Variants in PITPNC1 observed in about 807,000 individuals in gnomAD.
PITPNC1 encodes phosphatidylinositol transfer protein cytoplasmic 1.
In PITPNC1, 18 loss-of-function variants were observed where a neutral mutation model predicts 44.7. The ratio of observed to expected loss-of-function variants is 0.40; its 90% CI spans 0.28 to 0.60. PITPNC1 has a LOEUF of 0.60. PITPNC1 is among the 20% of genes least tolerant of loss of function. The pLI is 0.39. For missense variants in PITPNC1, 290 were observed against 418.4 expected, an observed-to-expected ratio of 0.69 and a Z score of 2.68; for synonymous variants, 141 against 149.6, an observed-to-expected ratio of 0.94 and a Z score of 0.42.
chr17:67,386,770 T>C (rs2038060397), intron 1 of PITPNC1, among the ~76,000 whole-genome samples: 1 of 152,144 alleles, frequency 6.6e-6, no homozygotes, highest in African/African-American at 2.4e-5. Flanking sequence ...AGGTCTGTAG[T>C]GTTAGGCAAG....
At chr17:67,426,667 A>G (rs555169721) in intron 1 of PITPNC1, among the ~76,000 whole-genome samples, 1 of 152,296 alleles carries the variant, frequency 6.6e-6, no homozygotes, top group East Asian at 1.9e-4. Flanking sequence ...GCAAACCACC[A>G]TGGCACACAT....
At chr17:67,534,170 C>CG (rs1210249196) in intron 2 of PITPNC1, among the ~76,000 whole-genome samples, 1 of 151,980 alleles carries the variant, frequency 6.6e-6, no homozygotes, top group African/African-American at 2.4e-5. Flanking sequence ...GCTGGGATTA[C>CG]GGGCATGAGC....
Position 67,692,960 on chromosome 17 carries a change from T to C in PITPNC1, c.*72T>C. On this transcript the variant is annotated 3_prime_UTR_variant, in exon 9 of 9. Coordinates refer to ENST00000581322, the MANE Select transcript of PITPNC1 (RefSeq NM_012417.4). ...TTGTTTTTTTTTAAGAATCTTCTGA[T>C]AGAGAAAAAGACTGCTTTGTCACTC... 2 of 1,004,432 alleles carry C rather than the reference T, an allele frequency of 2.0e-6. No homozygotes were observed. Among genetic ancestry groups the C allele is most frequent in the Admixed American group, 2.2e-5 (1 of 44,588 alleles). The allele number at this position is 1,004,432 out of a possible 1,614,324, so 62.2% of individuals were successfully genotyped here. A position where few individuals can be genotyped will look rare whatever the true frequency, so the allele number is the denominator to read the frequency against.
chr17:67,425,550 C>A (rs1359097285), intron 1 of PITPNC1, among the ~76,000 whole-genome samples: 2 of 136,032 alleles, frequency 1.5e-5, no homozygotes, highest in Non-Finnish European at 3.1e-5. Flanking sequence ...GAGACAGGGT[C>A]TTGCTCTGTC....
Position 67,676,530 on chromosome 17 carries a change from G to T in PITPNC1, c.682+988G>T, listed in dbSNP as rs1309540876. ...CTTGGCTATAAATAGAAAGGAACAC[G>T]CCCCACCGGTGACTTAGGTTAGATC... On this transcript the variant is annotated intron_variant, in intron 8 of 8. Transcript: ENST00000581322. This position sits in a 1 kb window ranked among gnomAD's most constrained non-coding sequence, Gnocchi z 4.0. Among the ~76,000 whole-genome samples, 1 of 152,062 alleles carries T rather than the reference G, an allele frequency of 6.6e-6. No homozygotes were observed. The highest frequency in any genetic ancestry group is 1.5e-5 in the Non-Finnish European group (1 of 68,024).
chr17:67,567,462 C>T lies in PITPNC1; in HGVS notation c.295-10724C>T, dbSNP rs555003287. Among the ~76,000 whole-genome samples the T allele has an allele frequency of 1.4e-4, 21 of 151,594 alleles. No homozygotes were observed. The South Asian group carries it at 1.7e-3, about 12-fold the overall frequency. ...TTGCGCCACTGCAATCCAGCCTGGG[C>T]GACAGAGTGAGACTCCATCTCCAAA... On this transcript the variant is annotated intron_variant, in intron 4 of 8. Coordinates refer to ENST00000581322, the MANE Select transcript of PITPNC1 (RefSeq NM_012417.4).
At chr17:67,405,538 C>T (rs370318065) in intron 1 of PITPNC1, among the ~76,000 whole-genome samples, 1 of 151,826 alleles carries the variant, frequency 6.6e-6, no homozygotes, top group African/African-American at 2.4e-5. Context: ...TCAATTTACC[C>T]ATAAATCTAT....
chr17:67,656,155 AC>A (rs1307701397), intron 6 of PITPNC1, among the ~76,000 whole-genome samples: 2 of 152,204 alleles, frequency 1.3e-5, no homozygotes, highest in Non-Finnish European at 2.9e-5. Context: ...CCCACCCAGG[AC>A]CAGTTAGGTC....
At chr17:67,419,928 G>A (rs79471996) in intron 1 of PITPNC1, among the ~76,000 whole-genome samples, 4 of 144,986 alleles carry the variant, frequency 2.8e-5, no homozygotes, top group Admixed American at 7.0e-5. Context: ...AAAAAAAAAA[G>A]AGAGAGAGAG....
At chr17:67,472,140 C>T (rs2039546179) in intron 1 of PITPNC1, among the ~76,000 whole-genome samples, 1 of 151,882 alleles carries the variant, frequency 6.6e-6, no homozygotes, top group African/African-American at 2.4e-5. Context: ...TGATTGCTCA[C>T]TGGTGAAGTT....
chr17:67,464,744 C>CTT (rs201595421), intron 1 of PITPNC1, among the ~76,000 whole-genome samples: 60 of 147,002 alleles, frequency 4.1e-4, no homozygotes, highest in Non-Finnish European at 5.6e-4. Context: ...AACTCTCTCA[C>CTT]TTTTTTTTTT....
intron 5 of PITPNC1, among the ~76,000 whole-genome samples, chr17:67,582,860 A>T (rs1248869322): frequency 6.6e-6 from 1 of 152,194 alleles, no homozygotes; most frequent in Admixed American, 6.5e-5. Context: ...CGTGCTTAGC[A>T]CTGCCTGGTT....
intron 2 of PITPNC1, among the ~76,000 whole-genome samples, chr17:67,546,324 G>A (rs938106346): frequency 6.6e-6 from 1 of 151,006 alleles, no homozygotes; most frequent in Middle Eastern, 3.5e-3. Flanking sequence ...TATTTAGAAG[G>A]TGATAAGTGT....
chr17:67,455,613 T>C (rs145073000), intron 1 of PITPNC1, among the ~76,000 whole-genome samples: 2,871 of 151,042 alleles, frequency 0.019, 96 homozygotes, highest in East Asian at 0.15. Flanking sequence ...TTGTTTTTTT[T>C]GTATTTTTAG....
chr17:67,426,403 A>G (rs930271657), intron 1 of PITPNC1, among the ~76,000 whole-genome samples: 4 of 152,252 alleles, frequency 2.6e-5, no homozygotes, highest in Non-Finnish European at 4.4e-5. Context: ...TGTGGTACAT[A>G]TACACCATGG....
Position 67,378,199 on chromosome 17 carries a change from C to T in PITPNC1, c.45C>T (p.Asp15=). 1 of 1,538,358 alleles carries T rather than the reference C, an allele frequency of 6.5e-7. No homozygotes were observed. The highest frequency in any genetic ancestry group is 2.0e-5 in the Admixed American group (1 of 49,824). Residue 15 remains aspartate, a synonymous_variant, in exon 1 of 9, where the codon GAC becomes GAT. Transcript: ENST00000581322. The part of the protein sequence containing the change: ...EYRICMPLTV[D]EYKIGQLYMI... Reference sequence around the variant, plus strand: ...GGATCTGCATGCCGCTCACCGTAGACGAGGTAAGCGCCGCGCCCGGCCCGG... The same window carrying T: ...GGATCTGCATGCCGCTCACCGTAGATGAGGTAAGCGCCGCGCCCGGCCCGG...
intron 6 of PITPNC1, among the ~76,000 whole-genome samples, chr17:67,660,978 C>T (rs1235899706): frequency 6.6e-6 from 1 of 151,632 alleles, no homozygotes; most frequent in African/African-American, 2.4e-5. Flanking sequence ...CTTCCCTCAG[C>T]CTACCAAGTA....
intron 5 of PITPNC1, among the ~76,000 whole-genome samples, chr17:67,618,825 G>A (rs1598893701): frequency 6.6e-6 from 1 of 152,066 alleles, no homozygotes; most frequent in Admixed American, 6.6e-5. Context: ...TTGGGAGGCC[G>A]AGACGGGCAG....
intron 2 of PITPNC1, among the ~76,000 whole-genome samples, chr17:67,543,231 C>T (rs1276084742): frequency 4.6e-5 from 7 of 152,210 alleles, no homozygotes; most frequent in African/African-American, 1.7e-4. Flanking sequence ...CACCCCCTAC[C>T]TCTGCTGCCT....
Sources: gnomAD v4.1 joint callset for allele counts (sites outside exome capture counted in the v4.1 genomes callset) on GRCh38, gnomAD v4.1.1 for gene constraint, Gnocchi (gnomAD v3.1) non-coding constraint, MANE v1.5 for transcripts, NCBI Gene and HGNC (gene_info 2026-07-23, HGNC 2026-07-21) for gene names.